Variants in LRRC24 observed in about 807,000 individuals in gnomAD.
LRRC24 encodes leucine rich repeat containing 24.
Under a neutral mutation model 15.3 loss-of-function variants are expected in LRRC24, and 19 were observed. The ratio of observed to expected loss-of-function variants is 1.25; its 90% CI spans 0.87 to 1.83. LRRC24 has a LOEUF of 1.83. Among genes scored for constraint, LRRC24 ranks in the 40% most tolerant of loss-of-function variants. The pLI, the probability that LRRC24 is intolerant of heterozygous loss-of-function variation, is 0.00. For missense variants in LRRC24, 914 were observed against 723.9 expected (o/e 1.26, Z -3.01); for synonymous variants, 469 against 359.6 (o/e 1.30, Z -3.44).
rs1177891200 is a variant in LRRC24 at position 144,524,971 on chromosome 8, C to T, written c.4G>A (p.Ala2Thr). 2 of 1,461,960 alleles carry T rather than the reference C, an allele frequency of 1.4e-6. No individual in the cohort carries two copies. The highest frequency in any genetic ancestry group is 1.3e-5 in the South Asian group (1 of 76,582). 90.6% of individuals were successfully genotyped at this position (1,461,960 alleles called of 1,614,324 possible). A position where few individuals can be genotyped will look rare whatever the true frequency, so the allele number is the denominator to read the frequency against. ...GGCAGCAGTGCGGGGGCCCTCAGGG[C>T]CATCTCCCGAGGCCCGGTTCCTCAC... MALRAPALLPLL... is the reference protein window; with the variant it reads MTLRAPALLPLL... Residue 2 changes from alanine (A) to threonine (T), a missense_variant, in exon 2 of 5, where the codon GCC (alanine) becomes ACC (threonine). Ala to Thr is a moderately conservative substitution (Grantham distance 58, BLOSUM62 0). Transcript: ENST00000529415.
At position 144,522,713 on chromosome 8, in the gene LRRC24, G is replaced by A; in HGVS notation, c.1304C>T (p.Ala435Val). 2 of 1,595,296 alleles carry A rather than the reference G, an allele frequency of 1.3e-6. No individual in the cohort carries two copies. The highest frequency in any genetic ancestry group is 1.7e-6 in the Non-Finnish European group (2 of 1,172,094). ...CGCTCCCTCCCCCGGAGGCCCCCGC[G>A]CCTTTTTTCGCCTGCGGCGCCGGCG... ...ICRRRRRRKKARGPPGEGALF... is the reference protein window; with the variant it reads ...ICRRRRRRKKVRGPPGEGALF... The change falls in exon 5 of 5, where the codon GCG becomes GTG. Residue 435 changes from alanine to valine, a missense_variant. Transcript: ENST00000529415.
At chr8:144,523,988 C>T (rs1816240902) in intron 4 of LRRC24, 122 bp downstream of exon 4, 3 of 1,154,484 alleles carry the variant, frequency 2.6e-6, no homozygotes, top group Admixed American at 4.5e-5. Flanking sequence ...TGGCTGCAGG[C>T]GGTGGTGCAG....
chr8:144,523,929 G>C, intron 4 of LRRC24, 181 bp downstream of exon 4: 1 of 694,842 alleles, frequency 1.4e-6, no homozygotes, highest in Admixed American at 2.5e-5. Flanking sequence ...CCCAGGCAGG[G>C]TGCCTGAGCT....
At position 144,522,844 on chromosome 8, in the gene LRRC24, C is replaced by T; in HGVS notation, c.1173G>A (p.Ala391=). 7.4e-7 allele frequency: 1 copy of T among 1,346,396 alleles called. No homozygotes were observed. The highest frequency in any genetic ancestry group is 9.5e-7 in the Non-Finnish European group (1 of 1,053,264). 83.4% of individuals were successfully genotyped at this position (1,346,396 alleles called of 1,614,324 possible). A position where few individuals can be genotyped will look rare whatever the true frequency, so the allele number is the denominator to read the frequency against. ...RPAGSEPRPE[A]GSMAFRALGV... ...CCAGGGCGCGGAAGGCCATGCTGCCCGCCTCGGGCCGGGGCTCGCTGCCGG... is the reference window on the plus strand; with the variant it reads ...CCAGGGCGCGGAAGGCCATGCTGCCTGCCTCGGGCCGGGGCTCGCTGCCGG... Residue 391 remains alanine (A), a synonymous_variant, in exon 5 of 5, where the codon GCG becomes GCA. Coordinates refer to ENST00000529415, the MANE Select transcript of LRRC24 (RefSeq NM_001024678.4).
At chr8:144,526,318 TTA>T (rs1295309285) in intron 1 of LRRC24, 1 of 152,200 alleles carries the variant, frequency 6.6e-6, no homozygotes, top group East Asian at 1.9e-4. Flanking sequence ...GTTGGGGGCG[TTA>T]TCTGGGCCCT....
At chr8:144,526,109 C>T (rs2130801138) in intron 1 of LRRC24, 1 of 152,376 alleles carries the variant, frequency 6.6e-6, no homozygotes, top group Admixed American at 6.5e-5. Context: ...TGTCCATCAG[C>T]TCTTCCTCCT....
rs1385098776 is a variant in LRRC24 at position 144,522,819 on chromosome 8, CCAGGGCGCGGAAGGCCATGCT to C, written c.1177_1197del (p.Ser393_Leu399del). On this transcript the variant is annotated inframe_deletion, in exon 5 of 5. Transcript: ENST00000529415. ...GCAATGGCCGTCTGTGTGGCCACGC[CCAGGGCGCGGAAGGCCATGCT>C]GCCCGCCTCGGGCCGGGGCTCGCTG... The C allele has an allele frequency of 6.7e-7, 1 of 1,491,718 alleles. No individual in the cohort carries two copies. Among genetic ancestry groups the C allele is most frequent in the Non-Finnish European group, 8.9e-7 (1 of 1,124,302 alleles). 92.4% of individuals were successfully genotyped at this position (1,491,718 alleles called of 1,614,324 possible).
chr8:144,523,566 C>T (rs1816221065), intron 4 of LRRC24, 157 bp from the exon 5 acceptor site: 1 of 1,212,864 alleles, frequency 8.2e-7, no homozygotes, highest in Non-Finnish European at 1.1e-6. Context: ...TGACCCCAAG[C>T]TCCTTGGGGC....
In LRRC24 at chr8:144,522,472, G is replaced by C. The variant is rs1473764092; in HGVS notation, c.*3C>G. ...CGCCCACGTCATCCGCGCGCCCGCGGCCCTAGCAGTGGATCTCGTAGGCGA... is the reference window on the plus strand; with the variant it reads ...CGCCCACGTCATCCGCGCGCCCGCGCCCCTAGCAGTGGATCTCGTAGGCGA... On this transcript the variant is annotated 3_prime_UTR_variant, in exon 5 of 5. Coordinates refer to ENST00000529415, the MANE Select transcript of LRRC24 (RefSeq NM_001024678.4). 1 of 1,465,146 alleles carries C rather than the reference G, an allele frequency of 6.8e-7. No individual in the cohort carries two copies. Among genetic ancestry groups the C allele is most frequent in the Non-Finnish European group, 8.9e-7 (1 of 1,117,430 alleles). The allele number at this position is 1,465,146 out of a possible 1,614,324, so 90.8% of individuals were successfully genotyped here.
At chr8:144,525,152 C>A (rs1816317464) in intron 1 of LRRC24, 119 bp from the exon 2 acceptor site, 3 of 603,104 alleles carry the variant, frequency 5.0e-6, no homozygotes, top group South Asian at 5.5e-5. Flanking sequence ...ACTAATAAAA[C>A]GTTCTGGTTT....
In LRRC24 at chr8:144,522,893, G is replaced by A; in HGVS notation, c.1124C>T (p.Pro375Leu). ...SRQQPQQPAQ[P>L]PPPAARPAGS... Reference sequence around the variant, plus strand: ...GGCGGGGCGGGCGGCCGGAGGCGGCGGTTGCGCGGGCTGCTGCGGCTGCTG... The same window carrying A: ...GGCGGGGCGGGCGGCCGGAGGCGGCAGTTGCGCGGGCTGCTGCGGCTGCTG... The change falls in exon 5 of 5, where the codon CCG becomes CTG. Residue 375 changes from proline (P) to leucine (L), a missense_variant. Coordinates refer to ENST00000529415, the MANE Select transcript of LRRC24 (RefSeq NM_001024678.4). The A allele has an allele frequency of 7.8e-7, 1 of 1,289,704 alleles. No homozygotes were observed. Among genetic ancestry groups the A allele is most frequent in the Non-Finnish European group, 9.7e-7 (1 of 1,025,758 alleles). The allele number at this position is 1,289,704 out of a possible 1,614,324, so 79.9% of individuals were successfully genotyped here.
In LRRC24 at chr8:144,524,471, C is replaced by T; in HGVS notation, c.408G>A (p.Arg136=). 6.3e-7 allele frequency: 1 copy of T among 1,597,870 alleles called. No homozygotes were observed. The highest frequency in any genetic ancestry group is 8.5e-7 in the Non-Finnish European group (1 of 1,179,804). The stretch of plus-strand genomic sequence containing the variant: ...GGTGCAAGAAGGTGAAATCCAGCAG[C>T]CGCGCCAGCTGGTTGCCCGCCAGGT... The part of the protein sequence containing the change: ...VLYLAGNQLA[R]LLDFTFLHLP... The change falls in exon 3 of 5, where the codon CGG becomes CGA. Residue 136 remains arginine, a synonymous_variant. Coordinates refer to ENST00000529415, the MANE Select transcript of LRRC24 (RefSeq NM_001024678.4).
Position 144,524,905 on chromosome 8 carries a change from G to C in LRRC24, c.70C>G (p.Pro24Ala), listed in dbSNP as rs1045679264. 1.3e-6 allele frequency: 2 copies of C among 1,514,688 alleles called. No homozygotes were observed. Among genetic ancestry groups the C allele is most frequent in the African/African-American group, 2.8e-5 (2 of 72,070 alleles). The allele number at this position is 1,514,688 out of a possible 1,614,324, so 93.8% of individuals were successfully genotyped here. The change falls in exon 2 of 5, where the codon CCA (proline) becomes GCA (alanine). Residue 24 changes from proline to alanine, a missense_variant. Coordinates refer to ENST00000529415, the MANE Select transcript of LRRC24 (RefSeq NM_001024678.4). ...LLLPLRAAGC[P>A]AACRCYSATV... ...GCGCTGTAGCAGCGGCAGGCTGCTG[G>C]GCAGCCGGCGGCGCGGAGCGGCAGT...
In LRRC24 at chr8:144,524,656, C is replaced by T; in HGVS notation, c.223G>A (p.Ala75Thr). The T allele has an allele frequency of 2.7e-6, 4 of 1,496,058 alleles. No homozygotes were observed. The highest frequency in any genetic ancestry group is 1.8e-6 in the Non-Finnish European group (2 of 1,132,934). The allele number at this position is 1,496,058 out of a possible 1,614,324, so 92.7% of individuals were successfully genotyped here. A position where few individuals can be genotyped will look rare whatever the true frequency, so the allele number is the denominator to read the frequency against. ...TTGTGCAGGTAGAGCCGGCGCAGAGCGGCGAGTGGCGCCAGGGCTCCCGGC... is the reference window on the plus strand; with the variant it reads ...TTGTGCAGGTAGAGCCGGCGCAGAGTGGCGAGTGGCGCCAGGGCTCCCGGC... ...LEPGALAPLA[A>T]LRRLYLHNNS... The change falls in exon 3 of 5, where the codon GCT (alanine) becomes ACT (threonine). Residue 75 changes from alanine (A) to threonine (T), a missense_variant. By Grantham distance (58) the Ala-to-Thr change is moderately conservative (BLOSUM62 0). Transcript: ENST00000529415.
rs780806393 is a variant in LRRC24 at position 144,522,449 on chromosome 8, C to T, written c.*26G>A. On this transcript the variant is annotated 3_prime_UTR_variant, in exon 5 of 5. Coordinates refer to ENST00000529415, the MANE Select transcript of LRRC24 (RefSeq NM_001024678.4). ...AGGCCGCACCGGCCAATCTCCGGCG[C>T]CCACGTCATCCGCGCGCCCGCGGCC... 13 of 1,395,152 alleles carry T rather than the reference C, an allele frequency of 9.3e-6. No individual in the cohort carries two copies. The highest frequency in any genetic ancestry group is 2.5e-4 in the Middle Eastern group (1 of 3,960). 86.4% of individuals were successfully genotyped at this position (1,395,152 alleles called of 1,614,324 possible).
In LRRC24 at chr8:144,524,170, C is replaced by G; in HGVS notation, c.547G>C (p.Gly183Arg). 2.5e-6 allele frequency: 4 copies of G among 1,611,138 alleles called. No homozygotes were observed. In the South Asian group the frequency reaches 4.4e-5, roughly 18 times the overall value. Residue 183 changes from glycine to arginine, a missense_variant, in exon 4 of 5, where the codon GGC becomes CGC. Physicochemically the swap from Gly to Arg is moderately radical, Grantham distance 125 (BLOSUM62 -2). Coordinates refer to ENST00000529415, the MANE Select transcript of LRRC24 (RefSeq NM_001024678.4). ...ALLDLSRNQL[G>R]TISREALQPL... Reference sequence around the variant, plus strand: ...TGCAGGGCCTCTCGGCTGATGGTGCCCAGCTGGTTCCTGCTGAGGTCCAGC... The same window carrying G: ...TGCAGGGCCTCTCGGCTGATGGTGCGCAGCTGGTTCCTGCTGAGGTCCAGC...
chr8:144,524,197 G>A lies in LRRC24; in HGVS notation c.520C>T (p.Leu174=), dbSNP rs200555620. 1.1e-4 allele frequency: 179 copies of A among 1,612,618 alleles called. No individual in the cohort carries two copies. The East Asian group carries it at 3.9e-3, about 35-fold the overall frequency. Residue 174 remains leucine (L), a synonymous_variant, in exon 4 of 5, where the codon CTG becomes TTG. Coordinates refer to ENST00000529415, the MANE Select transcript of LRRC24 (RefSeq NM_001024678.4). ...AGCTGGTTCCTGCTGAGGTCCAGCA[G>A]TGCTAGGGAGGACAGCCCCGCTAGA... ...QALAGLSSLA[L]LDLSRNQLGT...
chr8:144,523,558 A>AC, intron 4 of LRRC24, 149 bp from the exon 5 acceptor site: 1 of 1,256,908 alleles, frequency 8.0e-7, no homozygotes, highest in Non-Finnish European at 1.0e-6. Context: ...CCCTTCCTTG[A>AC]CCCCAAGCTC....
rs756953301 is a variant in LRRC24 at position 144,523,043 on chromosome 8, G to A, written c.974C>T (p.Thr325Met). 5.0e-6 allele frequency: 8 copies of A among 1,602,246 alleles called. No individual in the cohort carries two copies. Among genetic ancestry groups the A allele is most frequent in the South Asian group, 1.1e-5 (1 of 90,722 alleles). Residue 325 changes from threonine to methionine, a missense_variant, in exon 5 of 5, where the codon ACG becomes ATG. Thr to Met is a moderately conservative substitution (Grantham distance 81, BLOSUM62 -1). Transcript: ENST00000529415. Reference protein sequence around the residue: ...LGLGGHSASDTGSGMLFLSNI... With the variant: ...LGLGGHSASDMGSGMLFLSNI... ...GCTGAGGAAGAGCATGCCGCTGCCC[G>A]TGTCGGATGCCGAGTGTCCGCCCAG...
Sources: gnomAD v4.1 joint callset for allele counts on GRCh38, gnomAD v4.1.1 for gene constraint, MANE v1.5 for transcripts, NCBI Gene and HGNC (gene_info 2026-07-23, HGNC 2026-07-21) for gene names.